Variants in MMRN1 observed in about 807,000 individuals in gnomAD.
The protein encoded by MMRN1 is multimerin 1.
A neutral mutation model predicts 100.7 loss-of-function variants in MMRN1; 94 were observed. The observed-to-expected ratio is 0.93, with a 90% confidence interval of 0.79 to 1.11. The LOEUF (loss-of-function observed/expected upper bound fraction) is 1.11, where lower values mean the gene tolerates loss of function less well. Among genes scored for constraint, MMRN1 ranks in the 50% least tolerant of loss-of-function variants. MMRN1 has a pLI of 0.00. For missense variants in MMRN1, 1,606 were observed against 1,439.1 expected (o/e 1.12, Z -1.88); for synonymous variants, 575 against 505.0 (o/e 1.14, Z -1.86).
chr4:89,908,833 C>A (rs1244012091), intron 1 of MMRN1, among the ~76,000 whole-genome samples: 1 of 151,440 alleles, frequency 6.6e-6, no homozygotes, highest in Non-Finnish European at 1.5e-5. Flanking sequence ...ATATCCACTG[C>A]AGCTAATAAC....
intron 1 of MMRN1, chr4:89,902,150 G>A (rs1278947237): frequency 1.5e-5 from 2 of 132,032 alleles, no homozygotes; most frequent in East Asian, 2.3e-4. Flanking sequence ...CACAGGAAGG[G>A]GAATATCACA....
Position 89,953,359 on chromosome 4 carries a change from A to T in MMRN1, c.3628A>T (p.Ile1210Phe), listed in dbSNP as rs1232548266. Residue 1210 changes from isoleucine to phenylalanine, a missense_variant, in exon 8 of 8, where the codon ATT becomes TTT. Physicochemically the swap from Ile to Phe is conservative, Grantham distance 21 (BLOSUM62 0). Coordinates refer to ENST00000264790, the MANE Select transcript of MMRN1 (RefSeq NM_007351.3). Reference sequence around the variant, plus strand: ...CTGGTTACGACTTGCAAAAGGAACAATTCCAGCCAAGTTTCCCCCTGTTAC... The same window carrying T: ...CTGGTTACGACTTGCAAAAGGAACATTTCCAGCCAAGTTTCCCCCTGTTAC... Reference protein sequence around the residue: ...EVWLRLAKGTIPAKFPPVTTF... With the variant: ...EVWLRLAKGTFPAKFPPVTTF... The T allele has an allele frequency of 1.9e-6, 3 of 1,613,290 alleles. No homozygotes were observed. Among genetic ancestry groups the T allele is most frequent in the African/African-American group, 1.3e-5 (1 of 74,888 alleles).
intron 1 of MMRN1, among the ~76,000 whole-genome samples, chr4:89,904,005 A>T (rs915773733): frequency 6.6e-6 from 1 of 151,584 alleles, no homozygotes; most frequent in Non-Finnish European, 1.5e-5. Flanking sequence ...GCAGAACTTC[A>T]TCATCAGAAA....
At chr4:89,893,044 T>C (rs149487252), upstream of MMRN1, among the ~76,000 whole-genome samples, 1,205 of 152,134 alleles carry the variant, frequency 7.9e-3, 18 homozygotes, top group African/African-American at 0.027. Flanking sequence ...AAAGCTAGTT[T>C]CTTCTGTGTT....
At chr4:89,952,936 A>C (rs1308606831) in intron 7 of MMRN1, 61 bp from the exon 8 acceptor site, 1 of 1,383,314 alleles carries the variant, frequency 7.2e-7, no homozygotes. Flanking sequence ...ACGAAGATAT[A>C]AGGAAAGAAA....
At chr4:89,908,932 G>A (rs1185214822) in intron 1 of MMRN1, among the ~76,000 whole-genome samples, 1 of 151,214 alleles carries the variant, frequency 6.6e-6, no homozygotes, top group Non-Finnish European at 1.5e-5. Context: ...AATGGACCCG[G>A]ATCTGAGTTT....
At chr4:89,933,887 A>G (rs1219995811) in intron 5 of MMRN1, among the ~76,000 whole-genome samples, 1 of 152,210 alleles carries the variant, frequency 6.6e-6, no homozygotes, top group Non-Finnish European at 1.5e-5. Flanking sequence ...ACTAGATATT[A>G]TAAATATATC....
chr4:89,885,552 G>T (rs935490105), intron 1 of MMRN1, among the ~76,000 whole-genome samples: 2 of 151,988 alleles, frequency 1.3e-5, no homozygotes, highest in African/African-American at 4.8e-5. Context: ...TTTTGATCTG[G>T]AGCTTTACTT....
intron 3 of MMRN1, among the ~76,000 whole-genome samples, chr4:89,920,558 A>G (rs1480157756): frequency 2.0e-5 from 3 of 152,240 alleles, no homozygotes; most frequent in Middle Eastern, 3.4e-3. Context: ...AAGGAATTGT[A>G]TGAGACTCAA....
chr4:89,937,451 C>T (rs1722682603), intron 6 of MMRN1, among the ~76,000 whole-genome samples: 1 of 152,022 alleles, frequency 6.6e-6, no homozygotes, highest in Non-Finnish European at 1.5e-5. Context: ...ATAGAGGAAG[C>T]TCTAAGGCTG....
intron 5 of MMRN1, among the ~76,000 whole-genome samples, chr4:89,932,452 C>T (rs1239595770): frequency 6.6e-6 from 1 of 152,194 alleles, no homozygotes. Flanking sequence ...AGGCAGTGCC[C>T]AAGTGGAGAC....
intron 5 of MMRN1, among the ~76,000 whole-genome samples, chr4:89,932,583 G>T (rs181091034): frequency 6.6e-6 from 1 of 152,282 alleles, no homozygotes; most frequent in East Asian, 1.9e-4. Flanking sequence ...CAATCTAGGT[G>T]GAGGTTCCCA....
chr4:89,939,427 C>A (rs917779058), intron 6 of MMRN1, among the ~76,000 whole-genome samples: 6 of 152,026 alleles, frequency 3.9e-5, no homozygotes, highest in Admixed American at 2.0e-4. Context: ...AATATGAATA[C>A]CGTAATAATA....
At chr4:89,916,262 G>A (rs747923584) in intron 3 of MMRN1, among the ~76,000 whole-genome samples, 14 of 151,356 alleles carry the variant, frequency 9.2e-5, no homozygotes, top group Admixed American at 5.9e-4. Flanking sequence ...AATGAATTCC[G>A]GAGCAAAGAG....
intron 1 of MMRN1, among the ~76,000 whole-genome samples, chr4:89,889,239 G>A (rs1164808852): frequency 2.0e-5 from 3 of 152,144 alleles, no homozygotes; most frequent in African/African-American, 7.2e-5. Flanking sequence ...CACAGGCAAA[G>A]CTCTGGAGAG....
intron 3 of MMRN1, among the ~76,000 whole-genome samples, chr4:89,922,490 T>G (rs879693267): frequency 2.6e-5 from 4 of 152,184 alleles, no homozygotes; most frequent in Non-Finnish European, 5.9e-5. Flanking sequence ...ATTATTTGAT[T>G]CATGGGAATT....
intron 1 of MMRN1, among the ~76,000 whole-genome samples, chr4:89,883,961 G>C (rs556362982): frequency 6.6e-6 from 1 of 151,928 alleles, no homozygotes; most frequent in African/African-American, 2.4e-5. Flanking sequence ...TTAAATTCAC[G>C]TATTTGTTCC....
At chr4:89,934,435 T>C (rs1009452909) in intron 5 of MMRN1, among the ~76,000 whole-genome samples, 2 of 152,146 alleles carry the variant, frequency 1.3e-5, no homozygotes, top group African/African-American at 2.4e-5. Context: ...AGGTATTATT[T>C]ACTAAGGCAG....
rs767345019 is a variant in MMRN1, at chr4:89,895,438, TA to T, written c.470del (p.Asn157ThrfsTer66). 10 of 1,613,750 alleles carry T rather than the reference TA, an allele frequency of 6.2e-6. No homozygotes were observed. In the South Asian group the frequency reaches 9.9e-5, roughly 16 times the overall value. ...ARKSNEQATS[L>X]NTVGGTGGIG... ...AAGTCAAATGAACAAGCAACTTCTC[TA>T]AACACAGTTGGAGGCACTGGAGGCA... is the stretch of plus-strand genomic sequence containing the variant. On this transcript the variant is annotated frameshift_variant, in exon 1 of 8. Transcript: ENST00000264790. LOFTEE classifies it high-confidence loss of function.
Sources: allele counts gnomAD v4.1 joint callset (sites outside exome capture counted in the v4.1 genomes callset), GRCh38; gene constraint gnomAD v4.1.1; transcripts MANE v1.5; gene names NCBI Gene and HGNC (gene_info 2026-07-23, HGNC 2026-07-21).